The following TRPV4 variants were observed in gnomAD, a reference collection of about 807,000 sequenced individuals.
TRPV4 encodes OSM9-like transient receptor potential channel 4.
Under a neutral mutation model 84.1 loss-of-function variants are expected in TRPV4, and 58 were observed. That is an observed-to-expected ratio of 0.69 (90% confidence interval 0.56 to 0.86). TRPV4 has a LOEUF of 0.86. Among genes scored for constraint, TRPV4 ranks in the 40% least tolerant of loss-of-function variants. The pLI is 0.00. For missense variants in TRPV4, 879 were observed against 1,181.1 expected (o/e 0.74, Z 3.75); for synonymous variants, 489 against 500.9 (o/e 0.98, Z 0.32).
chr12:109,786,649 G>T lies in TRPV4; in HGVS notation c.2336+61C>A. On this transcript the variant is annotated intron_variant, in intron 14 of 15. Transcript: ENST00000261740. This position sits in a 1 kb window ranked among gnomAD's most constrained non-coding sequence, Gnocchi z 4.5. ...GGGTAGACGACGCTGGAGCAGCAGG[G>T]GCCCCGAGCCAGTGGGGACAGTTCC... The T allele has an allele frequency of 1.2e-6, 2 of 1,606,482 alleles. No individual in the cohort carries two copies. The highest frequency in any genetic ancestry group is 1.7e-6 in the Non-Finnish European group (2 of 1,177,178).
In TRPV4 at chr12:109,798,647, G is replaced by T; in HGVS notation, c.1119C>A (p.Pro373=). 1 of 1,612,776 alleles carries T rather than the reference G, an allele frequency of 6.2e-7. No homozygotes were observed. The highest frequency in any genetic ancestry group is 1.1e-5 in the South Asian group (1 of 91,072). The change falls in exon 6 of 16, where the codon CCC becomes CCA. Residue 373 remains proline (P), a synonymous_variant. Transcript: ENST00000261740. The surrounding 1 kb of genome is among the most constrained non-coding windows in gnomAD (Gnocchi z 5.0). The part of the protein sequence containing the change: ...EAVLNNDGLS[P]LMMAAKTGKI... ...TGCCCGTCTTGGCAGCCATCATGAGGGGCGAGAGGCCGTCGTTGTTGAGCA... is the reference window on the plus strand; with the variant it reads ...TGCCCGTCTTGGCAGCCATCATGAGTGGCGAGAGGCCGTCGTTGTTGAGCA...
At chr12:109,812,710 GAATA>G (rs1470495917) in intron 2 of TRPV4, among the ~76,000 whole-genome samples, 1 of 152,190 alleles carries the variant, frequency 6.6e-6, no homozygotes, top group Non-Finnish European at 1.5e-5. Context: ...ATGAATGAAT[GAATA>G]AATGAATGAA....
chr12:109,796,377 G>T lies in TRPV4; in HGVS notation c.1332+148C>A. The T allele has an allele frequency of 2.4e-6, 2 of 843,756 alleles. No homozygotes were observed. The highest frequency in any genetic ancestry group is 3.8e-6 in the Non-Finnish European group (2 of 528,060). 52.3% of individuals were successfully genotyped at this position (843,756 alleles called of 1,614,324 possible). A position where few individuals can be genotyped will look rare whatever the true frequency, so the allele number is the denominator to read the frequency against. On this transcript the variant is annotated intron_variant, in intron 7 of 15. Coordinates refer to ENST00000261740, the MANE Select transcript of TRPV4 (RefSeq NM_021625.5). The surrounding 1 kb of genome is among the most constrained non-coding windows in gnomAD (Gnocchi z 4.2). Reference sequence around the variant, plus strand: ...CAGACACTGTTCTGGGCACTTAGTTGGCACCTTCTCTTGCATTCAGCCAAC... The same window carrying T: ...CAGACACTGTTCTGGGCACTTAGTTTGCACCTTCTCTTGCATTCAGCCAAC...
chr12:109,802,630 A>G (rs1466059015), intron 4 of TRPV4, among the ~76,000 whole-genome samples: 1 of 121,002 alleles, frequency 8.3e-6, no homozygotes, highest in African/African-American at 2.9e-5. Context: ...TTTTTTTTGT[A>G]TCTTTTGTCA....
At chr12:109,826,815 A>T (rs1442541591) in intron 1 of TRPV4, among the ~76,000 whole-genome samples, 1 of 152,196 alleles carries the variant, frequency 6.6e-6, no homozygotes. Context: ...CTCACCTGTA[A>T]AAGGGAGCTC....
intron 10 of TRPV4, 64 bp from the exon 11 acceptor site, chr12:109,792,881 G>A (rs1890136125): frequency 1.3e-6 from 2 of 1,555,680 alleles, no homozygotes; most frequent in South Asian, 2.3e-5. Flanking sequence ...GCTCTGGAGG[G>A]GAAGACACGC....
intron 13 of TRPV4, 89 bp downstream of exon 13, chr12:109,788,311 A>G (rs1406540315): frequency 3.9e-6 from 5 of 1,277,432 alleles, no homozygotes; most frequent in Non-Finnish European, 5.5e-6. Flanking sequence ...GCTTGCTCAG[A>G]GTGGAAGGCC....
Position 109,796,721 on chromosome 12 carries a change from G to A in TRPV4, c.1153-17C>T, listed in dbSNP as rs758588080. The A allele has an allele frequency of 2.5e-6, 4 of 1,602,306 alleles. No individual in the cohort carries two copies. Among genetic ancestry groups the A allele is most frequent in the Middle Eastern group, 1.7e-4 (1 of 5,778 alleles). The stretch of plus-strand genomic sequence containing the variant: ...CTGAAAGATCTGCACAGGGGGCCAG[G>A]AGGGTCAGGGGGCTCACACTGGAAA... On this transcript the variant is annotated splice_polypyrimidine_tract_variant and intron_variant, in intron 6 of 15. Transcript: ENST00000261740. The surrounding 1 kb of genome is among the most constrained non-coding windows in gnomAD (Gnocchi z 4.2).
rs1890402079 is a variant in TRPV4 at position 109,796,426 on chromosome 12, A to G, written c.1332+99T>C. 4.2e-6 allele frequency: 6 copies of G among 1,424,166 alleles called. No homozygotes were observed. In the African/African-American group the frequency reaches 5.7e-5, roughly 13 times the overall value. The allele number at this position is 1,424,166 out of a possible 1,614,324, so 88.2% of individuals were successfully genotyped here. ...ACAGACCCACCACGTTGGGTCCTAG[A>G]GGCTGGGGCTGTCTCCCCCAGCCCA... is the stretch of plus-strand genomic sequence containing the variant. On this transcript the variant is annotated intron_variant, in intron 7 of 15. Transcript: ENST00000261740. The surrounding 1 kb of genome is among the most constrained non-coding windows in gnomAD (Gnocchi z 4.2).
At chr12:109,792,915 G>T in intron 10 of TRPV4, 98 bp from the exon 11 acceptor site, 1 of 1,288,964 alleles carries the variant, frequency 7.8e-7, no homozygotes, top group South Asian at 1.3e-5. Flanking sequence ...AGGGTATCAG[G>T]ACTTCCCAAT....
rs1392028993 is a variant in TRPV4, at chr12:109,793,589, C to A, written c.1596G>T (p.Leu532Phe). The A allele has an allele frequency of 6.2e-7, 1 of 1,613,718 alleles. No individual in the cohort carries two copies. The highest frequency in any genetic ancestry group is 2.2e-5 in the East Asian group (1 of 44,874). Residue 532 changes from leucine (L) to phenylalanine (F), a missense_variant, in exon 10 of 16, where the codon TTG (leucine) becomes TTT (phenylalanine). Coordinates refer to ENST00000261740, the MANE Select transcript of TRPV4 (RefSeq NM_021625.5). This position sits in a 1 kb window ranked among gnomAD's most constrained non-coding sequence, Gnocchi z 4.0. ...VLFFFTNIKD[L>F]FMKKCPGVNS... ...TCACTCCAGGGCATTTCTTCATGAACAAGTCTTTGATCTGGAAGACAGGAG... is the reference window on the plus strand; with the variant it reads ...TCACTCCAGGGCATTTCTTCATGAAAAAGTCTTTGATCTGGAAGACAGGAG...
Position 109,796,796 on chromosome 12 carries a change from A to G in TRPV4, c.1153-92T>C. 1.5e-6 allele frequency: 2 copies of G among 1,343,372 alleles called. No homozygotes were observed. Among genetic ancestry groups the G allele is most frequent in the Non-Finnish European group, 2.0e-6 (2 of 990,710 alleles). The allele number at this position is 1,343,372 out of a possible 1,614,324, so 83.2% of individuals were successfully genotyped here. On this transcript the variant is annotated intron_variant, in intron 6 of 15. Coordinates refer to ENST00000261740, the MANE Select transcript of TRPV4 (RefSeq NM_021625.5). The surrounding 1 kb of genome is among the most constrained non-coding windows in gnomAD (Gnocchi z 4.2). ...AGCACATGACGCCTCCCCAGAAAAC[A>G]GCTAAGCACCGGCTGCTGGAGGACC...
chr12:109,798,140 G>T lies in TRPV4; in HGVS notation c.1152+474C>A, dbSNP rs369621290. Reference sequence around the variant, plus strand: ...CCTGGCATCTGGTGGGTAGAGGCCCGGGATGCAGATCAATGTCTGGCAATA... The same window carrying T: ...CCTGGCATCTGGTGGGTAGAGGCCCTGGATGCAGATCAATGTCTGGCAATA... On this transcript the variant is annotated intron_variant, in intron 6 of 15. Transcript: ENST00000261740. This position sits in a 1 kb window ranked among gnomAD's most constrained non-coding sequence, Gnocchi z 5.0. Among the ~76,000 whole-genome samples the T allele has an allele frequency of 3.1e-4, 47 of 152,324 alleles. No homozygotes were observed. The highest frequency in any genetic ancestry group is 3.4e-3 in the Middle Eastern group (1 of 294).
chr12:109,797,683 T>A (rs1890493650), intron 6 of TRPV4, among the ~76,000 whole-genome samples: 1 of 152,172 alleles, frequency 6.6e-6, no homozygotes, highest in Admixed American at 6.5e-5. Flanking sequence ...GCAATTTTAG[T>A]AATTTTTGCT....
rs749145349 is a variant in TRPV4 at position 109,798,879 on chromosome 12, T to C, written c.887A>G (p.Asn296Ser). Residue 296 changes from asparagine to serine, a missense_variant, in exon 6 of 16, where the codon AAC (asparagine) becomes AGC (serine). Physicochemically the swap from Asn to Ser is conservative, Grantham distance 46 (BLOSUM62 1). Around this residue, in one of 4 missense-constraint regions of TRPV4, gnomAD observed 521 missense variants for 686.6 expected, o/e 0.76. Transcript: ENST00000261740. The surrounding 1 kb of genome is among the most constrained non-coding windows in gnomAD (Gnocchi z 5.0). ...ELPLSLAACT[N>S]QPHIVNYLTE... ...CAGGTAGTTGACAATGTGGGGCTGG[T>C]TGGTGCAGGCAGCCAGCGACAGGGG... 1.2e-6 allele frequency: 2 copies of C among 1,613,264 alleles called. No individual in the cohort carries two copies. The highest frequency in any genetic ancestry group is 2.2e-5 in the South Asian group (2 of 91,060).
At chr12:109,832,996 G>A (rs944261141) in intron 1 of TRPV4, among the ~76,000 whole-genome samples, 1 of 152,096 alleles carries the variant, frequency 6.6e-6, no homozygotes, top group Non-Finnish European at 1.5e-5. Flanking sequence ...TAGGTCCCCC[G>A]AAATCCCTCT....
chr12:109,783,321 C>T lies in TRPV4; in HGVS notation c.*300G>A, dbSNP rs890514078. The T allele has an allele frequency of 8.6e-6, 3 of 349,486 alleles. No homozygotes were observed. Among genetic ancestry groups the T allele is most frequent in the Non-Finnish European group, 1.0e-5 (2 of 192,204 alleles). The allele number at this position is 349,486 out of a possible 1,614,324, so 21.6% of individuals were successfully genotyped here. On this transcript the variant is annotated 3_prime_UTR_variant, in exon 16 of 16. Coordinates refer to ENST00000261740, the MANE Select transcript of TRPV4 (RefSeq NM_021625.5). This position sits in a 1 kb window ranked among gnomAD's most constrained non-coding sequence, Gnocchi z 4.6. ...GTTCCAGCTGGGGCAGGGGTCACGT[C>T]GCTTCCTGAGAGCAGAGCAAATAAA... is the stretch of plus-strand genomic sequence containing the variant.
chr12:109,800,623 T>C lies in TRPV4; in HGVS notation c.848A>G (p.Tyr283Cys), dbSNP rs1351524561. 8 of 1,613,882 alleles carry C rather than the reference T, an allele frequency of 5.0e-6. No homozygotes were observed. The highest frequency in any genetic ancestry group is 2.2e-5 in the South Asian group (2 of 91,086). Residue 283 changes from tyrosine (Y) to cysteine (C), a missense_variant, in exon 5 of 16, where the codon TAC becomes TGC. Around this residue, in one of 4 missense-constraint regions of TRPV4, gnomAD observed 521 missense variants for 686.6 expected, o/e 0.76. Coordinates refer to ENST00000261740, the MANE Select transcript of TRPV4 (RefSeq NM_021625.5). ...CCCACCAGGCCCCTCCTTACCAAAG[T>C]AGAAGTAGCCCCCCTCATCCTTGGG... ...FQPKDEGGYF[Y>C]FGELPLSLAA...
At position 109,829,304 on chromosome 12, in the gene TRPV4, G is replaced by A. The variant is rs532592361; in HGVS notation, c.-32+4046C>T. On this transcript the variant is annotated intron_variant, in intron 1 of 15. Transcript: ENST00000261740. ...GGCATTACCTTATCCCCATTGTCCA[G>A]ATGAGGAAACTGAGGCCAAAGGAAT... is the stretch of plus-strand genomic sequence containing the variant. Among the ~76,000 whole-genome samples the A allele has an allele frequency of 2.0e-5, 3 of 152,320 alleles. No individual in the cohort carries two copies. The South Asian group carries it at 6.2e-4, about 32-fold the overall frequency.
Sources: gnomAD v4.1 joint callset for allele counts (sites outside exome capture counted in the v4.1 genomes callset) on GRCh38, gnomAD v4.1.1 for gene constraint, gnomAD v4.1.1 regional missense constraint, Gnocchi (gnomAD v3.1) non-coding constraint, MANE v1.5 for transcripts, NCBI Gene and HGNC (gene_info 2026-07-23, HGNC 2026-07-21) for gene names.